The following TMC1 variants were observed in gnomAD, a reference collection of about 807,000 sequenced individuals.
TMC1 encodes transmembrane channel-like protein 1.
In TMC1, 84 loss-of-function variants were observed where a neutral mutation model predicts 105.8. That is an observed-to-expected ratio of 0.79 (90% CI 0.67 to 0.95). The LOEUF is 0.95. Among genes scored for constraint, TMC1 ranks in the 40% least tolerant of loss-of-function variants. The probability of loss-of-function intolerance (pLI) is 0.00; values close to 1 mark genes in which losing one functional copy is unlikely to be tolerated. For missense variants in TMC1, 817 were observed against 914.1 expected, an observed-to-expected ratio of 0.89 and a Z score of 1.37; for synonymous variants, 315 against 311.5, an observed-to-expected ratio of 1.01 and a Z score of -0.12.
intron 18 of TMC1, among the ~76,000 whole-genome samples, chr9:72,806,344 G>C (rs1230889737): frequency 2.0e-5 from 3 of 147,754 alleles, no homozygotes; most frequent in African/African-American, 7.5e-5. Context: ...CTGGCCGGGT[G>C]GGGGGCTGAC....
chr9:72,715,300 G>A (rs1187238846), intron 8 of TMC1, among the ~76,000 whole-genome samples: 1 of 152,116 alleles, frequency 6.6e-6, no homozygotes, highest in Non-Finnish European at 1.5e-5. Flanking sequence ...GAATTTGAAT[G>A]TTGGCTTGCC....
chr9:72,681,697 C>G lies in TMC1; in HGVS notation c.17-7012C>G, dbSNP rs1459169608. ...TGGTGTGCATCCCTTTCCCCTCCTT[C>G]TTACGTATATAAAAAAGATTTATTT... On this transcript the variant is annotated intron_variant, in intron 5 of 23. Coordinates refer to ENST00000297784, the MANE Select transcript of TMC1 (RefSeq NM_138691.3). Among the ~76,000 whole-genome samples the G allele has an allele frequency of 9.2e-5, 14 of 152,094 alleles. 1 individual carries two copies. The South Asian group carries it at 1.0e-3, about 11-fold the overall frequency.
intron 8 of TMC1, among the ~76,000 whole-genome samples, chr9:72,713,324 G>C (rs1361438592): frequency 6.6e-6 from 1 of 152,104 alleles, no homozygotes; most frequent in African/African-American, 2.4e-5. Context: ...TTTTTATATT[G>C]TTTGGAATAG....
At chr9:72,724,567 G>A (rs1368085081) in intron 8 of TMC1, among the ~76,000 whole-genome samples, 1 of 150,984 alleles carries the variant, frequency 6.6e-6, no homozygotes, top group African/African-American at 2.4e-5. Context: ...ATTTTTTTTA[G>A]TAGCACAGTA....
intron 5 of TMC1, among the ~76,000 whole-genome samples, chr9:72,686,524 T>C (rs1433809003): frequency 1.3e-5 from 2 of 152,216 alleles, no homozygotes; most frequent in Non-Finnish European, 2.9e-5. Flanking sequence ...CCAAATAATG[T>C]TCCATTAAAA....
At chr9:72,758,091 A>T (rs1416603847) in intron 12 of TMC1, among the ~76,000 whole-genome samples, 2 of 152,238 alleles carry the variant, frequency 1.3e-5, no homozygotes, top group African/African-American at 4.8e-5. Flanking sequence ...AAAAGAAAAT[A>T]ATACTGCTTT....
intron 18 of TMC1, among the ~76,000 whole-genome samples, chr9:72,810,230 C>A (rs148226282): frequency 2.1e-4 from 31 of 151,040 alleles, no homozygotes; most frequent in African/African-American, 7.3e-4. Context: ...ACCTGCTAAT[C>A]AATAATATGG....
intron 5 of TMC1, among the ~76,000 whole-genome samples, chr9:72,686,171 A>G (rs1826377323): frequency 6.6e-6 from 1 of 152,094 alleles, no homozygotes; most frequent in Non-Finnish European, 1.5e-5. Context: ...GCTGCCTCCA[A>G]CATTTTGACA....
intron 8 of TMC1, among the ~76,000 whole-genome samples, chr9:72,714,441 G>A (rs778805177): frequency 2.0e-5 from 3 of 152,052 alleles, no homozygotes; most frequent in Non-Finnish European, 4.4e-5. Context: ...TATGAATCTG[G>A]GTGCTCCTGT....
At chr9:72,816,272 C>A in intron 19 of TMC1, 62 bp downstream of exon 19, 1 of 1,482,050 alleles carries the variant, frequency 6.7e-7, no homozygotes, top group Non-Finnish European at 9.4e-7. Flanking sequence ...TTTTTGCATA[C>A]AGCATTGAAT....
At chr9:72,833,051 A>G (rs1426647673) in intron 23 of TMC1, among the ~76,000 whole-genome samples, 1 of 152,144 alleles carries the variant, frequency 6.6e-6, no homozygotes, top group Admixed American at 6.5e-5. Context: ...TTATCTCTTA[A>G]AATTATTAAC....
At chr9:72,602,340 G>A (rs957338650) in intron 2 of TMC1, among the ~76,000 whole-genome samples, 1 of 147,688 alleles carries the variant, frequency 6.8e-6, no homozygotes, top group South Asian at 2.2e-4. Context: ...ATATGCGAAT[G>A]ACTTGCTGTG....
intron 2 of TMC1, among the ~76,000 whole-genome samples, chr9:72,610,680 A>C (rs1250039027): frequency 6.6e-6 from 1 of 152,198 alleles, no homozygotes; most frequent in Non-Finnish European, 1.5e-5. Context: ...CCTCACAGAC[A>C]CACCTAGAAT....
chr9:72,566,165 C>T (rs777321752), intron 1 of TMC1, among the ~76,000 whole-genome samples: 1 of 152,172 alleles, frequency 6.6e-6, no homozygotes, highest in Non-Finnish European at 1.5e-5. Flanking sequence ...GGATTACAGG[C>T]ACGTGCCATT....
intron 3 of TMC1, among the ~76,000 whole-genome samples, chr9:72,621,307 A>G (rs567211880): frequency 1.6e-4 from 24 of 152,318 alleles, no homozygotes; most frequent in African/African-American, 5.1e-4. Flanking sequence ...TCAGGGGATC[A>G]AGCTACTATT....
chr9:72,610,789 A>G (rs13285999), intron 2 of TMC1, among the ~76,000 whole-genome samples: 93,241 of 152,132 alleles, frequency 0.61, 30,251 homozygotes, highest in African/African-American at 0.85. Context: ...ATATCTGGTA[A>G]CACCTCACAG....
At chr9:72,586,817 T>TC (rs1824561259) in intron 2 of TMC1, among the ~76,000 whole-genome samples, 1 of 152,186 alleles carries the variant, frequency 6.6e-6, no homozygotes. Flanking sequence ...GTGACCAGAG[T>TC]CCAAGTAACT....
rs148612939 is a variant in TMC1, at chr9:72,648,860, T to C, written c.16+196T>C. Among the ~76,000 whole-genome samples, 620 of 152,288 alleles carry C rather than the reference T, an allele frequency of 4.1e-3. 3 individuals are homozygous for C. Among genetic ancestry groups the C allele is most frequent in the African/African-American group, 0.014 (589 of 41,548 alleles). On this transcript the variant is annotated intron_variant, in intron 5 of 23. Transcript: ENST00000297784. ...AGGGTTTAATATCTCTCCACCTTCT[T>C]CTCTTTTATGGATGAATGATTTCAC...
At chr9:72,759,315 T>C (rs533976355) in intron 12 of TMC1, among the ~76,000 whole-genome samples, 18 of 152,180 alleles carry the variant, frequency 1.2e-4, no homozygotes, top group Non-Finnish European at 2.4e-4. Flanking sequence ...AAGTGCCTCC[T>C]ATAGGAAAAA....
Sources: allele counts gnomAD v4.1 joint callset (sites outside exome capture counted in the v4.1 genomes callset), GRCh38; gene constraint gnomAD v4.1.1; transcripts MANE v1.5; gene names NCBI Gene and HGNC (gene_info 2026-07-23, HGNC 2026-07-21).